SORCS3: variants seen among roughly 807,000 people sequenced by gnomAD.
SORCS3 encodes the protein sortilin related VPS10 domain containing receptor 3, also known as VPS10 domain-containing receptor SorCS3.
Under a neutral mutation model 146.3 loss-of-function variants are expected in SORCS3, and 57 were observed. The observed-to-expected ratio is 0.39, with a 90% confidence interval of 0.31 to 0.49. The LOEUF is 0.49. Ranked by LOEUF, SORCS3 falls within the 20% of genes least tolerant of loss-of-function variation. The pLI is 0.92. For missense variants in SORCS3, 1,341 were observed against 1,575.5 expected, an observed-to-expected ratio of 0.85 and a Z score of 2.52; for synonymous variants, 653 against 618.5, an observed-to-expected ratio of 1.06 and a Z score of -0.83.
chr10:104,781,615 C>T (rs951747820), intron 1 of SORCS3, among the ~76,000 whole-genome samples: 3 of 152,148 alleles, frequency 2.0e-5, no homozygotes, highest in Non-Finnish European at 4.4e-5. Flanking sequence ...AACAAAACCA[C>T]ACAGAACAAA....
intron 7 of SORCS3, among the ~76,000 whole-genome samples, chr10:105,136,099 A>T (rs1403906443): frequency 6.6e-6 from 1 of 152,224 alleles, no homozygotes; most frequent in East Asian, 1.9e-4. Context: ...AGCAATACCA[A>T]TACCAATTCA....
chr10:104,972,146 C>G (rs1296808407), intron 3 of SORCS3, among the ~76,000 whole-genome samples: 2 of 152,090 alleles, frequency 1.3e-5, no homozygotes, highest in Non-Finnish European at 2.9e-5. Flanking sequence ...CGAGACCAGC[C>G]TGGCCAACGT....
intron 1 of SORCS3, among the ~76,000 whole-genome samples, chr10:104,746,168 G>A (rs553544213): frequency 3.4e-5 from 5 of 148,280 alleles, no homozygotes; most frequent in South Asian, 2.1e-4. Context: ...GTGGAGTCTC[G>A]CTCTGTCACC....
At chr10:105,060,440 T>A (rs1232532270) in intron 5 of SORCS3, among the ~76,000 whole-genome samples, 1 of 152,118 alleles carries the variant, frequency 6.6e-6, no homozygotes, top group Non-Finnish European at 1.5e-5. Context: ...CAGTGCACCT[T>A]TAAAGGGTTC....
rs114376230 is a variant in SORCS3 at position 104,911,949 on chromosome 10, A to T, written c.696-3884A>T. Reference sequence around the variant, plus strand: ...CTGCATTCAGCAAGAAACTTGTTAGATTAGTAACAAAGAATTACCCTCCCC... The same window carrying T: ...CTGCATTCAGCAAGAAACTTGTTAGTTTAGTAACAAAGAATTACCCTCCCC... On this transcript the variant is annotated intron_variant, in intron 2 of 26. Transcript: ENST00000369701. Among the ~76,000 whole-genome samples the T allele has an allele frequency of 8.2e-3, 1,251 of 152,310 alleles. 22 individuals are homozygous for T. Among genetic ancestry groups the T allele is most frequent in the African/African-American group, 0.029 (1,203 of 41,546 alleles).
intron 8 of SORCS3, among the ~76,000 whole-genome samples, chr10:105,145,020 T>A (rs906478655): frequency 2.0e-5 from 3 of 152,148 alleles, no homozygotes; most frequent in African/African-American, 7.2e-5. Context: ...CTTGTTCAGA[T>A]GGAAGAATCT....
intron 1 of SORCS3, among the ~76,000 whole-genome samples, chr10:104,765,487 G>A (rs2017168857): frequency 6.6e-6 from 1 of 152,182 alleles, no homozygotes; most frequent in Admixed American, 6.5e-5. Flanking sequence ...GAGAGATTAA[G>A]TGATGTATAA....
At position 104,733,497 on chromosome 10, in the gene SORCS3, G is replaced by A. The variant is rs146241797; in HGVS notation, c.627+91543G>A. ...CCCAAGTAGTTGGGACTATAGATGCGCACCACCATGCCCTGATGATTAATT... is the reference window on the plus strand; with the variant it reads ...CCCAAGTAGTTGGGACTATAGATGCACACCACCATGCCCTGATGATTAATT... On this transcript the variant is annotated intron_variant, in intron 1 of 26. Transcript: ENST00000369701. Among the ~76,000 whole-genome samples the A allele has an allele frequency of 2.1e-3, 318 of 150,704 alleles. 1 individual carries two copies. Among genetic ancestry groups the A allele is most frequent in the African/African-American group, 7.4e-3 (302 of 40,954 alleles).
chr10:104,830,087 G>T (rs1208819813), intron 1 of SORCS3, among the ~76,000 whole-genome samples: 1 of 151,956 alleles, frequency 6.6e-6, no homozygotes, highest in Non-Finnish European at 1.5e-5. Flanking sequence ...GGTGTGTGTT[G>T]TTCCTCTACT....
At chr10:105,145,070 G>A (rs1354928406) in intron 8 of SORCS3, among the ~76,000 whole-genome samples, 6 of 152,150 alleles carry the variant, frequency 3.9e-5, no homozygotes, top group South Asian at 2.1e-4. Context: ...AATTTCAGGC[G>A]GTGGTCAGGA....
At chr10:104,737,155 C>T (rs1364593216) in intron 1 of SORCS3, among the ~76,000 whole-genome samples, 1 of 152,216 alleles carries the variant, frequency 6.6e-6, no homozygotes, top group Non-Finnish European at 1.5e-5. Context: ...ATATGTGCCA[C>T]ATTTTCTTAA....
chr10:104,785,142 C>T (rs908507457), intron 1 of SORCS3, among the ~76,000 whole-genome samples: 8 of 151,718 alleles, frequency 5.3e-5, no homozygotes, highest in African/African-American at 1.7e-4. Context: ...AATAGAAAGG[C>T]GGGAAAGGTG....
intron 3 of SORCS3, among the ~76,000 whole-genome samples, chr10:104,943,509 T>A (rs1158346886): frequency 6.6e-6 from 1 of 152,180 alleles, no homozygotes; most frequent in Non-Finnish European, 1.5e-5. Flanking sequence ...ATGAATCAAG[T>A]CATGAATGCT....
chr10:104,964,517 G>T (rs2054815729), intron 3 of SORCS3, among the ~76,000 whole-genome samples: 1 of 152,152 alleles, frequency 6.6e-6, no homozygotes, highest in Non-Finnish European at 1.5e-5. Flanking sequence ...CTCTATGAGG[G>T]AAAGTATTTT....
intron 4 of SORCS3, among the ~76,000 whole-genome samples, chr10:105,012,375 G>A (rs957357855): frequency 3.9e-5 from 6 of 152,250 alleles, no homozygotes; most frequent in Middle Eastern, 6.8e-3. Context: ...AATATGATTG[G>A]ATTCTTTTGA....
chr10:105,036,016 A>C (rs1027446513), intron 4 of SORCS3, among the ~76,000 whole-genome samples: 2 of 151,936 alleles, frequency 1.3e-5, no homozygotes, highest in Non-Finnish European at 2.9e-5. Context: ...CCTTTAGATG[A>C]CCTTGTTTGG....
intron 3 of SORCS3, among the ~76,000 whole-genome samples, chr10:104,940,246 T>TTTTTTTTA (rs1209304697): frequency 3.2e-5 from 1 of 31,114 alleles, no homozygotes; most frequent in Non-Finnish European, 8.3e-5. Context: ...ATATTTTTTT[T>TTTTTTTTA]TTTTTTTTTA....
intron 1 of SORCS3, among the ~76,000 whole-genome samples, chr10:104,660,261 G>C (rs1459832161): frequency 6.6e-6 from 1 of 150,412 alleles, no homozygotes; most frequent in African/African-American, 2.5e-5. Context: ...TTCCTGAAAA[G>C]TGGGTTTCAG....
chr10:105,237,854 C>T (rs1468447157), intron 20 of SORCS3, among the ~76,000 whole-genome samples: 3 of 152,092 alleles, frequency 2.0e-5, no homozygotes, highest in African/African-American at 4.8e-5. Flanking sequence ...AGGAAATAAC[C>T]TTGGAAGGTG....
Sources: allele counts gnomAD v4.1 joint callset (sites outside exome capture counted in the v4.1 genomes callset), GRCh38; gene constraint gnomAD v4.1.1; transcripts MANE v1.5; gene names NCBI Gene and HGNC (gene_info 2026-07-23, HGNC 2026-07-21).